RBFOX3: variants seen among roughly 807,000 people sequenced by gnomAD.
The protein encoded by RBFOX3 is RNA binding fox-1 homolog 3, also known as RNA binding protein fox-1 homolog 3.
A neutral mutation model predicts 48.7 loss-of-function variants in RBFOX3; 17 were observed. The observed-to-expected ratio is 0.35, with a 90% CI of 0.24 to 0.52. RBFOX3 has a LOEUF of 0.52. Among genes scored for constraint, RBFOX3 ranks in the 20% least tolerant of loss-of-function variants. RBFOX3 has a pLI of 0.94. For missense variants in RBFOX3, 382 were observed against 497.5 expected (o/e 0.77, Z 2.21); for synonymous variants, 212 against 209.5 (o/e 1.01, Z -0.10).
intron 2 of RBFOX3, among the ~76,000 whole-genome samples, chr17:79,441,302 G>A (rs1291769309): frequency 6.6e-6 from 1 of 152,182 alleles, no homozygotes; most frequent in East Asian, 1.9e-4. Context: ...CTCAATAGTG[G>A]CCCCTAAGAT....
intron 2 of RBFOX3, among the ~76,000 whole-genome samples, chr17:79,381,882 T>C (rs1373484517): frequency 6.6e-6 from 1 of 152,128 alleles, no homozygotes; most frequent in East Asian, 1.9e-4. Flanking sequence ...GGAACCAGCC[T>C]CTCAGCGGGG....
intron 1 of RBFOX3, among the ~76,000 whole-genome samples, chr17:79,508,589 G>A (rs2083546787): frequency 6.6e-6 from 1 of 152,194 alleles, no homozygotes; most frequent in African/African-American, 2.4e-5. Flanking sequence ...ATCTGGGGTT[G>A]GGGTGGGCGC....
At chr17:79,401,928 T>C (rs916038075) in intron 2 of RBFOX3, among the ~76,000 whole-genome samples, 4 of 152,204 alleles carry the variant, frequency 2.6e-5, no homozygotes, top group Non-Finnish European at 5.9e-5. Context: ...GCCACACAGT[T>C]GTGGTCATCC....
rs749421159 is a variant in RBFOX3 at position 79,199,472 on chromosome 17, T to C, written c.-34+36294A>G. On this transcript the variant is annotated intron_variant, in intron 4 of 14. Coordinates refer to ENST00000693108, the MANE Select transcript of RBFOX3 (RefSeq NM_001350451.2). The surrounding 1 kb of genome is among the most constrained non-coding windows in gnomAD (Gnocchi z 5.1). ...TGGGGGAAATCAGCCCAGGTGGGAC[T>C]TGAGGAAGAGGAGAAGGCCAGCCAT... Among the ~76,000 whole-genome samples the C allele has an allele frequency of 8.4e-4, 127 of 151,668 alleles. No homozygotes were observed. The highest frequency in any genetic ancestry group is 2.5e-4 in the Non-Finnish European group (17 of 67,948).
intron 5 of RBFOX3, among the ~76,000 whole-genome samples, chr17:79,114,421 T>C (rs1431012534): frequency 6.6e-6 from 1 of 152,168 alleles, no homozygotes; most frequent in Non-Finnish European, 1.5e-5. Context: ...AGGCACCGCC[T>C]GGGTGCCAGA....
intron 4 of RBFOX3, among the ~76,000 whole-genome samples, chr17:79,164,498 C>A (rs887776777): frequency 6.6e-5 from 10 of 152,178 alleles, no homozygotes; most frequent in Admixed American, 4.6e-4. Context: ...CCCCTTCAGT[C>A]TTGGGGGGAG....
At chr17:79,345,248 G>A (rs1029874400) in intron 2 of RBFOX3, among the ~76,000 whole-genome samples, 3 of 152,168 alleles carry the variant, frequency 2.0e-5, no homozygotes, top group Non-Finnish European at 2.9e-5. Flanking sequence ...TGACATTTAC[G>A]TGCATAGAGT....
chr17:79,427,302 A>T (rs989753994), intron 2 of RBFOX3, among the ~76,000 whole-genome samples: 1 of 152,110 alleles, frequency 6.6e-6, no homozygotes, highest in African/African-American at 2.4e-5. Context: ...TAGGGAATGG[A>T]GGGGCTGAGG....
chr17:79,555,619 G>T (rs963406759), intron 1 of RBFOX3, among the ~76,000 whole-genome samples: 2 of 152,146 alleles, frequency 1.3e-5, no homozygotes, highest in South Asian at 4.1e-4. Flanking sequence ...GGCGGTGGTG[G>T]TGGTAATGGT....
Position 79,205,288 on chromosome 17 carries a change from C to A in RBFOX3, c.-34+30478G>T, listed in dbSNP as rs2057339271. ...TGAAATGAAAACACCATCATTTCTG[C>A]CAGTTAGAGTGGGGGTCCACAGAAA... On this transcript the variant is annotated intron_variant, in intron 4 of 14. Transcript: ENST00000693108. The surrounding 1 kb of genome is among the most constrained non-coding windows in gnomAD (Gnocchi z 4.5). 6.6e-6 allele frequency among the ~76,000 whole-genome samples: 1 copy of A among 152,116 alleles called. No individual in the cohort carries two copies. The highest frequency in any genetic ancestry group is 2.1e-4 in the South Asian group (1 of 4,832).
Position 79,205,317 on chromosome 17 carries a change from A to G in RBFOX3, c.-34+30449T>C, listed in dbSNP as rs2057342754. On this transcript the variant is annotated intron_variant, in intron 4 of 14. Transcript: ENST00000693108. The surrounding 1 kb of genome is among the most constrained non-coding windows in gnomAD (Gnocchi z 4.5). ...TTAGAGTGGGGGTCCACAGAAACCC[A>G]GGGATATATGACATCCTGAACCACA... 1.3e-5 allele frequency among the ~76,000 whole-genome samples: 2 copies of G among 152,292 alleles called. No homozygotes were observed. Among genetic ancestry groups the G allele is most frequent in the South Asian group, 2.1e-4 (1 of 4,824 alleles).
intron 3 of RBFOX3, among the ~76,000 whole-genome samples, chr17:79,258,301 A>C (rs542702837): frequency 1.2e-4 from 18 of 152,212 alleles, no homozygotes; most frequent in Non-Finnish European, 1.8e-4. Context: ...GATACGCCGC[A>C]GACACAGAGA....
chr17:79,389,242 CGA>C (rs1174269300), intron 2 of RBFOX3, among the ~76,000 whole-genome samples: 2 of 152,170 alleles, frequency 1.3e-5, no homozygotes, highest in Non-Finnish European at 2.9e-5. Flanking sequence ...TGGTGTGCAA[CGA>C]GAGTTGGTGG....
At chr17:79,093,092 G>C (rs890135609) in intron 14 of RBFOX3, among the ~76,000 whole-genome samples, 3 of 152,220 alleles carry the variant, frequency 2.0e-5, no homozygotes, top group Non-Finnish European at 4.4e-5. Flanking sequence ...AGCCAGCTAC[G>C]CTGGGAGAGG....
chr17:79,382,648 AC>A lies in RBFOX3; in HGVS notation c.-174-74825del, dbSNP rs560787715. ...CAAAGACCTGACCAGATTGGCCACA[AC>A]CACACTCACGCGCATTTCCAAGGCT... On this transcript the variant is annotated intron_variant, in intron 2 of 14. Coordinates refer to ENST00000693108, the MANE Select transcript of RBFOX3 (RefSeq NM_001350451.2). Among the ~76,000 whole-genome samples, 24 of 152,312 alleles carry A rather than the reference AC, an allele frequency of 1.6e-4. No homozygotes were observed. The East Asian group carries it at 4.6e-3, about 29-fold the overall frequency.
intron 4 of RBFOX3, among the ~76,000 whole-genome samples, chr17:79,172,950 C>T (rs1284429639): frequency 3.9e-5 from 6 of 152,136 alleles, no homozygotes; most frequent in African/African-American, 7.2e-5. Context: ...GGCTCATGCC[C>T]GTAATTCCAG....
At chr17:79,097,626 GC>G in intron 10 of RBFOX3, 65 bp downstream of exon 10, 2 of 1,226,980 alleles carry the variant, frequency 1.6e-6, no homozygotes, top group Non-Finnish European at 1.1e-6. Flanking sequence ...CGCCCCCAGA[GC>G]CCCCGGAGCC....
intron 1 of RBFOX3, among the ~76,000 whole-genome samples, chr17:79,579,924 T>G (rs2092998429): frequency 9.4e-6 from 1 of 105,992 alleles, no homozygotes; most frequent in Non-Finnish European, 1.9e-5. Context: ...GGTGGGGGGA[T>G]CACTCGCACT....
intron 2 of RBFOX3, among the ~76,000 whole-genome samples, chr17:79,355,856 C>T (rs1478874979): frequency 6.6e-6 from 1 of 152,190 alleles, no homozygotes; most frequent in Non-Finnish European, 1.5e-5. Flanking sequence ...GCTAGAATTA[C>T]AGACGTGAAC....
Sources: allele counts gnomAD v4.1 joint callset (sites outside exome capture counted in the v4.1 genomes callset), GRCh38; gene constraint gnomAD v4.1.1; non-coding constraint Gnocchi (gnomAD v3.1); transcripts MANE v1.5; gene names NCBI Gene and HGNC (gene_info 2026-07-23, HGNC 2026-07-21).